The following RIF1 variants were observed in gnomAD, a reference collection of about 807,000 sequenced individuals.
RIF1 encodes telomere-associated protein RIF1.
RIF1 carries 45 observed loss-of-function variants against 247.1 expected under a neutral mutation model. The observed-to-expected ratio is 0.18, with a 90% CI of 0.14 to 0.23. The LOEUF is 0.23. RIF1 is among the 10% of genes least tolerant of loss of function. The pLI, the probability that RIF1 is intolerant of heterozygous loss-of-function variation, is 1.00. For missense variants in RIF1, 2,967 were observed against 2,862.5 expected (o/e 1.04, Z -0.83); for synonymous variants, 1,087 against 978.8 (o/e 1.11, Z -2.06).
rs149694365 is a variant in RIF1, at chr2:151,461,238, C to T, written c.3176C>T (p.Ala1059Val). 8.2e-5 allele frequency: 132 copies of T among 1,613,118 alleles called. No homozygotes were observed. The highest frequency in any genetic ancestry group is 3.3e-4 in the Middle Eastern group (2 of 6,078). The stretch of plus-strand genomic sequence containing the variant: ...TTTATACCTCCAGAAGGAAAAGATG[C>T]AAAGGAAAGAATATTAACTGATCAT... ...FVFIPPEGKD[A>V]KERILTDHQK... Residue 1059 changes from alanine to valine, a missense_variant, in exon 27 of 36, where the codon GCA becomes GTA. By Grantham distance (64) the Ala-to-Val change is moderately conservative. This residue lies in a region of RIF1 where 2,028 missense variants were observed against 1,825.6 expected (regional missense o/e 1.11). Transcript: ENST00000444746.
intron 1 of RIF1, 79 bp from the exon 2 acceptor site, chr2:151,410,335 G>A: frequency 8.8e-7 from 1 of 1,141,004 alleles, no homozygotes; most frequent in Non-Finnish European, 1.3e-6. Context: ...GCGGGTGTGA[G>A]GGCCGGACTC....
At position 151,501,441 on chromosome 2, in the gene RIF1, CAGGT is replaced by C. The variant is rs756384471; in HGVS notation, c.*710-1589_*710-1586del. ...TTGACTCGCTCCATCTCAGGAGTGA[CAGGT>C]AGGGGAGTCCCCTTGCTCAAGTTCT... is the stretch of plus-strand genomic sequence containing the variant. On this transcript the variant is annotated intron_variant and NMD_transcript_variant, in intron 11 of 13. Transcript: ENST00000454583. 1.4e-5 allele frequency: 21 copies of C among 1,543,120 alleles called. No individual in the cohort carries two copies. The African/African-American group carries it at 2.1e-4, about 15-fold the overall frequency.
chr2:151,473,497 C>T (rs1215329473), intron 34 of RIF1, among the ~76,000 whole-genome samples: 1 of 151,826 alleles, frequency 6.6e-6, no homozygotes, highest in African/African-American at 2.4e-5. Context: ...CCAGGCTGGT[C>T]TTGAACTCCT....
intron 13 of RIF1, 52 bp from the exon 14 acceptor site, chr2:151,438,632 A>G: frequency 9.0e-7 from 1 of 1,111,264 alleles, no homozygotes; most frequent in Non-Finnish European, 1.4e-6. Flanking sequence ...TAGTCATAGT[A>G]CGTAGTCATA....
At chr2:151,534,352 G>C in the RIF1 span, 3 of 1,571,016 alleles carry the variant, frequency 1.9e-6, no homozygotes, top group Non-Finnish European at 1.7e-6. Context: ...TATAGCAAGA[G>C]TACAACTTCA....
At position 151,446,296 on chromosome 2, in the gene RIF1, G is replaced by A. The variant is rs138929520; in HGVS notation, c.2095-130G>A. On this transcript the variant is annotated intron_variant, in intron 19 of 35. Coordinates refer to ENST00000444746, the MANE Select transcript of RIF1 (RefSeq NM_018151.5). ...TTACAGGCGTGAGCCACTGCACCCG[G>A]CCGTTAGTGTCTTTTTTGACACACT... 2.0e-3 allele frequency: 1,757 copies of A among 863,018 alleles called. 23 individuals carry two copies. The East Asian group carries it at 0.029, about 14-fold the overall frequency. The allele number at this position is 863,018 out of a possible 1,614,324, so 53.5% of individuals were successfully genotyped here.
chr2:151,518,937 T>C, the RIF1 span: 6 of 1,510,918 alleles, frequency 4.0e-6, 1 homozygote, highest in Admixed American at 8.4e-5. Flanking sequence ...TAAAACAAGC[T>C]GTTTCTGGAG....
chr2:151,498,377 AC>A, intron 10 of RIF1: 1 of 1,492,170 alleles, frequency 6.7e-7, no homozygotes, highest in Non-Finnish European at 9.1e-7. Flanking sequence ...AGCATCCAGA[AC>A]AAAAAAAGCA....
rs988139658 is a variant in RIF1, at chr2:151,482,041, A to G, written c.*6970A>G. The G allele has an allele frequency of 6.6e-6, 1 of 152,150 alleles. No individual in the cohort carries two copies. The highest frequency in any genetic ancestry group is 2.4e-5 in the African/African-American group (1 of 41,434). 9.4% of individuals were successfully genotyped at this position (152,150 alleles called of 1,614,324 possible). A position where few individuals can be genotyped will look rare whatever the true frequency, so the allele number is the denominator to read the frequency against. ...GACTGTTGAGGGGGGGCAGAATTCTATGTTTGATTCACAGTAAAACTTTTC... is the reference window on the plus strand; with the variant it reads ...GACTGTTGAGGGGGGGCAGAATTCTGTGTTTGATTCACAGTAAAACTTTTC... On this transcript the variant is annotated 3_prime_UTR_variant, in exon 36 of 36. Transcript: ENST00000444746.
chr2:151,442,385 T>A (rs530535203), intron 16 of RIF1, among the ~76,000 whole-genome samples: 1 of 150,430 alleles, frequency 6.6e-6, no homozygotes, highest in Non-Finnish European at 1.5e-5. Context: ...TTTCCCTTTT[T>A]TTTAAAAAAA....
rs1248660111 is a variant in RIF1, at chr2:151,440,054, A to G, written c.1574A>G (p.Glu525Gly). 1.3e-6 allele frequency: 2 copies of G among 1,589,644 alleles called. No homozygotes were observed. Among genetic ancestry groups the G allele is most frequent in the Non-Finnish European group, 1.7e-6 (2 of 1,165,662 alleles). Residue 525 changes from glutamate to glycine, a missense_variant, in exon 15 of 36, where the codon GAA (glutamate) becomes GGA (glycine). Glu to Gly is a moderately conservative substitution (Grantham distance 98). This residue lies in a region of RIF1 where 369 missense variants were observed against 322.0 expected (regional missense o/e 1.15). Coordinates refer to ENST00000444746, the MANE Select transcript of RIF1 (RefSeq NM_018151.5). ...SGNKKEKPGS[E>G]VLTLLLKSLE... ...AACAAAAAAGAGAAACCAGGTTCTG[A>G]AGTTTTGACTCTCTTATTAAAGTCT...
chr2:151,439,525 A>G (rs889993393), intron 14 of RIF1, among the ~76,000 whole-genome samples: 1 of 151,940 alleles, frequency 6.6e-6, no homozygotes, highest in East Asian at 1.9e-4. Flanking sequence ...TTAGCCAGAC[A>G]TGGTGGTGCA....
intron 10 of RIF1, chr2:151,497,863 C>T (rs1345520535): frequency 6.6e-7 from 1 of 1,506,506 alleles, no homozygotes; most frequent in Admixed American, 2.5e-5. Context: ...TTAGTGGAAG[C>T]TGTTGTTGGG....
chr2:151,488,953 A>T (rs530308859), intron 9 of RIF1, among the ~76,000 whole-genome samples: 84 of 152,158 alleles, frequency 5.5e-4, no homozygotes, highest in African/African-American at 2.0e-3. Flanking sequence ...GCTTTATAGT[A>T]TGTTTTGTTC....
chr2:151,426,956 A>G (rs906461696), intron 8 of RIF1, among the ~76,000 whole-genome samples: 2 of 151,344 alleles, frequency 1.3e-5, no homozygotes, highest in Non-Finnish European at 1.5e-5. Context: ...CTAGGTCTTT[A>G]ATTTCTTTCA....
downstream of RIF1, chr2:151,512,984 C>A (rs1446946787): frequency 1.5e-6 from 1 of 646,976 alleles, no homozygotes; most frequent in South Asian, 1.9e-5. Flanking sequence ...CTATTTTGTT[C>A]ATAGTTTTAT....
chr2:151,496,708 A>G (rs901913514), intron 10 of RIF1, among the ~76,000 whole-genome samples: 7 of 152,120 alleles, frequency 4.6e-5, no homozygotes, highest in African/African-American at 1.7e-4. Context: ...CAAACGGAAA[A>G]ACTCATTTTT....
rs369179222 is a variant in RIF1 at position 151,471,413 on chromosome 2, C to T, written c.7095+1549C>T. Among the ~76,000 whole-genome samples, 11 of 152,278 alleles carry T rather than the reference C, an allele frequency of 7.2e-5. No individual in the cohort carries two copies. In the East Asian group the frequency reaches 1.9e-3, roughly 27 times the overall value. On this transcript the variant is annotated intron_variant, in intron 34 of 35. Coordinates refer to ENST00000444746, the MANE Select transcript of RIF1 (RefSeq NM_018151.5). ...TCAATTTTGGCTTTTGTTGCCATTG[C>T]TTTTGGTGTTTTAGACGTGAAGTCC...
rs35285535 is a variant in RIF1 at position 151,420,734 on chromosome 2, CAA to C, written c.693+375_693+376del. On this transcript the variant is annotated intron_variant, in intron 7 of 35. Transcript: ENST00000444746. The stretch of plus-strand genomic sequence containing the variant: ...TGGGTGACAGAATGAGACCCTGTCT[CAA>C]AAAAAAAAAAAAAAAAAAATCTGTC... Among the ~76,000 whole-genome samples the C allele has an allele frequency of 4.4e-3, 489 of 111,770 alleles. 2 individuals are homozygous for C. Among genetic ancestry groups the C allele is most frequent in the African/African-American group, 0.01 (291 of 28,662 alleles). The allele number at this position is 111,770 out of a possible 152,430, so 73.3% of individuals were successfully genotyped here.
Sources: allele counts gnomAD v4.1 joint callset (sites outside exome capture counted in the v4.1 genomes callset), GRCh38; gene constraint gnomAD v4.1.1; regional missense constraint gnomAD v4.1.1; transcripts MANE v1.5; gene names NCBI Gene and HGNC (gene_info 2026-07-23, HGNC 2026-07-21).